The following PEBP4 variants were observed in gnomAD, a reference collection of about 807,000 sequenced individuals.
PEBP4 encodes phosphatidylethanolamine-binding protein 4.
PEBP4 carries 22 observed loss-of-function variants against 23.9 expected under a neutral mutation model. The observed-to-expected ratio is 0.92, with a 90% CI of 0.66 to 1.31. The LOEUF (loss-of-function observed/expected upper bound fraction) is 1.31. Among genes scored for constraint, PEBP4 ranks in the 40% most tolerant of loss-of-function variants. The pLI is 0.00. For synonymous variants in PEBP4, 112 were observed against 99.3 expected (o/e 1.13, Z -0.76); for missense variants, 324 against 281.7 (o/e 1.15, Z -1.07).
chr8:22,886,310 A>G (rs1330561717), intron 3 of PEBP4: 1 of 152,224 alleles, frequency 6.6e-6, no homozygotes, highest in East Asian at 1.9e-4. Flanking sequence ...ATGCTGGTCA[A>G]GAGGAAATTC....
At position 22,774,344 on chromosome 8, in the gene PEBP4, G is replaced by A. The variant is rs567917521; in HGVS notation, c.357+43293C>T. On this transcript the variant is annotated intron_variant, in intron 4 of 6. Transcript: ENST00000256404. Reference sequence around the variant, plus strand: ...ACTCAATGAGTTACCCTTTCCTAGAGCAGCTGCGTTTAAGAAGGGAGGGCT... The same window carrying A: ...ACTCAATGAGTTACCCTTTCCTAGAACAGCTGCGTTTAAGAAGGGAGGGCT... Among the ~76,000 whole-genome samples the A allele has an allele frequency of 2.0e-5, 3 of 152,282 alleles. No individual in the cohort carries two copies. In the East Asian group the frequency reaches 5.8e-4, roughly 29 times the overall value.
At chr8:22,940,634 G>C (rs1319838961) in intron 1 of PEBP4, among the ~76,000 whole-genome samples, 1 of 151,910 alleles carries the variant, frequency 6.6e-6, no homozygotes, top group African/African-American at 2.4e-5. Context: ...GACTACAGGT[G>C]ACCACCACCA....
At chr8:22,871,232 T>C (rs1808000622) in intron 3 of PEBP4, among the ~76,000 whole-genome samples, 1 of 152,132 alleles carries the variant, frequency 6.6e-6, no homozygotes, top group Non-Finnish European at 1.5e-5. Context: ...AACAACCTAC[T>C]GGTTTCTCTC....
intron 6 of PEBP4, 82 bp downstream of exon 6, chr8:22,724,761 C>T (rs1877673): frequency 0.22 from 239,477 of 1,092,194 alleles, 27,518 homozygotes; most frequent in Non-Finnish European, 0.23. Context: ...GTCAAGGCCC[C>T]AATTTCCCCG....
intron 6 of PEBP4, among the ~76,000 whole-genome samples, chr8:22,718,996 C>A (rs1440343328): frequency 3.9e-5 from 6 of 152,158 alleles, no homozygotes; most frequent in African/African-American, 1.4e-4. Flanking sequence ...TTCTTTCTCA[C>A]CCACCGAGGC....
chr8:22,855,000 GCACACACACA>G (rs200500141), intron 3 of PEBP4, among the ~76,000 whole-genome samples: 33 of 73,698 alleles, frequency 4.5e-4, no homozygotes, highest in African/African-American at 9.4e-4. Context: ...GAGTATGCAC[GCACACACACA>G]CACACACACA....
At position 22,865,484 on chromosome 8, in the gene PEBP4, C is replaced by A. The variant is rs536446322; in HGVS notation, c.259-47749G>T. Among the ~76,000 whole-genome samples the A allele has an allele frequency of 1.4e-3, 215 of 151,922 alleles. 6 individuals are homozygous for A. The highest frequency in any genetic ancestry group is 0.012 in the Admixed American group (180 of 15,278). On this transcript the variant is annotated intron_variant, in intron 3 of 6. Coordinates refer to ENST00000256404, the MANE Select transcript of PEBP4 (RefSeq NM_144962.3). The surrounding 1 kb of genome is among the most constrained non-coding windows in gnomAD (Gnocchi z 6.9). ...GCCGCGAGGTGGAGCGCGCCACCGCCCCCCCGGCCGCGCAGCGAGAAGGAG... is the reference window on the plus strand; with the variant it reads ...GCCGCGAGGTGGAGCGCGCCACCGCACCCCCGGCCGCGCAGCGAGAAGGAG...
intron 2 of PEBP4, chr8:22,924,665 G>T: frequency 5.1e-6 from 5 of 985,408 alleles, no homozygotes; most frequent in Non-Finnish European, 6.0e-6. Flanking sequence ...TTGAGCAGCA[G>T]CTCCCATCCC....
chr8:22,864,350 G>A (rs1291499184), intron 3 of PEBP4, among the ~76,000 whole-genome samples: 1 of 152,154 alleles, frequency 6.6e-6, no homozygotes, highest in Non-Finnish European at 1.5e-5. Context: ...TATTTGTATT[G>A]TGATGATCTG....
intron 4 of PEBP4, among the ~76,000 whole-genome samples, chr8:22,737,680 G>C (rs1165876446): frequency 6.6e-6 from 1 of 152,228 alleles, no homozygotes; most frequent in Non-Finnish European, 1.5e-5. Flanking sequence ...CCATTCTCCT[G>C]CAGGGCAGCC....
chr8:22,882,067 T>A (rs1477866893), intron 3 of PEBP4, among the ~76,000 whole-genome samples: 2 of 152,166 alleles, frequency 1.3e-5, no homozygotes, highest in Admixed American at 1.3e-4. Flanking sequence ...TGTCACTGGT[T>A]TTCTGTGAAG....
intron 3 of PEBP4, among the ~76,000 whole-genome samples, chr8:22,869,708 C>T (rs1326843854): frequency 6.6e-6 from 1 of 152,098 alleles, no homozygotes; most frequent in Non-Finnish European, 1.5e-5. Flanking sequence ...GAAAACATAA[C>T]CATAGGAAAA....
chr8:22,895,327 A>C (rs1014567317), intron 3 of PEBP4: 1 of 152,214 alleles, frequency 6.6e-6, no homozygotes, highest in African/African-American at 2.4e-5. Context: ...CTGGAGAGGC[A>C]TAATAATGTT....
At chr8:22,790,752 T>C (rs1044117768) in intron 4 of PEBP4, among the ~76,000 whole-genome samples, 6 of 152,208 alleles carry the variant, frequency 3.9e-5, no homozygotes, top group African/African-American at 1.4e-4. Context: ...CGGGGTTTAA[T>C]TGCTGTTACT....
intron 3 of PEBP4, among the ~76,000 whole-genome samples, chr8:22,818,721 G>A (rs1269356995): frequency 6.6e-6 from 1 of 152,240 alleles, no homozygotes; most frequent in Non-Finnish European, 1.5e-5. Context: ...AGGAGGCCAG[G>A]AGGCCAGTTA....
chr8:22,922,100 TG>T (rs1402798083), intron 2 of PEBP4, among the ~76,000 whole-genome samples: 1 of 152,244 alleles, frequency 6.6e-6, no homozygotes, highest in African/African-American at 2.4e-5. Flanking sequence ...GAGAGTGCCC[TG>T]AAGGACAGGG....
chr8:22,717,312 C>T (rs1425341091), intron 6 of PEBP4, among the ~76,000 whole-genome samples: 3 of 152,194 alleles, frequency 2.0e-5, no homozygotes, highest in East Asian at 1.9e-4. Flanking sequence ...GCTGGGATTA[C>T]GGGTGTGAGT....
intron 3 of PEBP4, among the ~76,000 whole-genome samples, chr8:22,841,539 A>G (rs1807329770): frequency 8.5e-5 from 13 of 152,196 alleles, no homozygotes. Flanking sequence ...CTCTAGGCCT[A>G]TTTATTCTAC....
chr8:22,893,059 G>C (rs976075768), intron 3 of PEBP4, among the ~76,000 whole-genome samples: 1 of 152,156 alleles, frequency 6.6e-6, no homozygotes, highest in Non-Finnish European at 1.5e-5. Flanking sequence ...ATCAGCATGC[G>C]CATGTGAGAA....
Sources: allele counts gnomAD v4.1 joint callset (sites outside exome capture counted in the v4.1 genomes callset), GRCh38; gene constraint gnomAD v4.1.1; non-coding constraint Gnocchi (gnomAD v3.1); transcripts MANE v1.5; gene names NCBI Gene and HGNC (gene_info 2026-07-23, HGNC 2026-07-21).